The following COL4A2 variants were observed in gnomAD, a reference collection of about 807,000 sequenced individuals.
COL4A2 encodes collagen alpha-2(IV) chain.
A neutral mutation model predicts 200.2 loss-of-function variants in COL4A2; 99 were observed. The ratio of observed to expected loss-of-function variants is 0.49; its 90% CI spans 0.42 to 0.58. The LOEUF is 0.58. Ranked by LOEUF, COL4A2 falls within the 20% of genes least tolerant of loss-of-function variation. The pLI is 0.00. For missense variants in COL4A2, 1,950 were observed against 2,314.1 expected (o/e 0.84, Z 3.23); for synonymous variants, 897 against 900.6 (o/e 1.00, Z 0.07).
chr13:110,482,598 C>T lies in COL4A2; in HGVS notation c.2841C>T (p.Gly947=). Residue 947 remains glycine, a synonymous_variant, in exon 32 of 48, where the codon GGC becomes GGT. Transcript: ENST00000360467. ...GACCCGGGTTTCCAGGGAGCAAAGG[C>T]GAGGCTGGATTTTTCGGAATACCCG... ...KGRPGFPGSK[G]EAGFFGIPGL... The T allele has an allele frequency of 6.2e-7, 1 of 1,614,056 alleles. No individual in the cohort carries two copies. The highest frequency in any genetic ancestry group is 8.5e-7 in the Non-Finnish European group (1 of 1,179,996).
At chr13:110,507,635 G>A in intron 46 of COL4A2, 1 of 498,798 alleles carries the variant, frequency 2.0e-6, no homozygotes, top group South Asian at 2.5e-5. Context: ...ACCCCACTAA[G>A]GTAAGGCTCA....
chr13:110,401,544 C>G (rs1284815115), intron 4 of COL4A2, among the ~76,000 whole-genome samples: 1 of 152,166 alleles, frequency 6.6e-6, no homozygotes, highest in African/African-American at 2.4e-5. Flanking sequence ...TTTAGAAGAA[C>G]TTTCAGCTTC....
At chr13:110,435,952 C>G (rs1466043705) in intron 12 of COL4A2, among the ~76,000 whole-genome samples, 1 of 151,746 alleles carries the variant, frequency 6.6e-6, no homozygotes, top group Non-Finnish European at 1.5e-5. Flanking sequence ...GACATTCAGC[C>G]CTCATACCTA....
chr13:110,369,596 A>G (rs1010887034), intron 4 of COL4A2, among the ~76,000 whole-genome samples: 1 of 152,222 alleles, frequency 6.6e-6, no homozygotes, highest in Non-Finnish European at 1.5e-5. Flanking sequence ...CAGAATGCCC[A>G]TCGGTAGCAC....
intron 18 of COL4A2, among the ~76,000 whole-genome samples, chr13:110,448,439 A>G (rs959602873): frequency 6.6e-6 from 1 of 152,156 alleles, no homozygotes; most frequent in African/African-American, 2.4e-5. Flanking sequence ...CTACCGGACA[A>G]CATTCCCGAG....
In COL4A2 at chr13:110,436,293, A is replaced by G. The variant is rs1880869213; in HGVS notation, c.751A>G (p.Asn251Asp). 1 of 1,614,086 alleles carries G rather than the reference A, an allele frequency of 6.2e-7. No homozygotes were observed. Among genetic ancestry groups the G allele is most frequent in the Non-Finnish European group, 8.5e-7 (1 of 1,180,022 alleles). The change falls in exon 13 of 48, where the codon AAC (asparagine) becomes GAC (aspartate). Residue 251 changes from asparagine (N) to aspartate (D), a missense_variant. Around this residue, in one of 2 missense-constraint regions of COL4A2, gnomAD observed 565 missense variants for 593.5 expected, o/e 0.95. Coordinates refer to ENST00000360467, the MANE Select transcript of COL4A2 (RefSeq NM_001846.4). ...EKGDVGQPGP[N>D]GIPSDTLHPI... ...GGGTGACGTAGGGCAGCCGGGACCC[A>G]ACGGGATTCCATCAGACACCCTCCA...
At chr13:110,483,271 G>A (rs1594101110) in intron 32 of COL4A2, among the ~76,000 whole-genome samples, 1 of 152,346 alleles carries the variant, frequency 6.6e-6, no homozygotes, top group East Asian at 1.9e-4. Flanking sequence ...GTGTGTTGGT[G>A]AGGAGGTGGA....
intron 43 of COL4A2, 126 bp from the exon 44 acceptor site, chr13:110,503,721 T>C: frequency 3.3e-6 from 4 of 1,201,902 alleles, no homozygotes; most frequent in Non-Finnish European, 4.8e-6. Context: ...CTGGCTCATC[T>C]CTAGAAAGCA....
intron 4 of COL4A2, among the ~76,000 whole-genome samples, chr13:110,371,329 G>C (rs1877999541): frequency 6.6e-6 from 1 of 152,202 alleles, no homozygotes; most frequent in African/African-American, 2.4e-5. Flanking sequence ...GATGTGCGTT[G>C]TATGTGTGTG....
chr13:110,469,211 A>T lies in COL4A2; in HGVS notation c.2096-6A>T. The T allele has an allele frequency of 6.3e-7, 1 of 1,579,830 alleles. No individual in the cohort carries two copies. The highest frequency in any genetic ancestry group is 8.6e-7 in the Non-Finnish European group (1 of 1,161,858). ...GATGTGGTTTGTGGTTTATTTGGTT[A>T]TTTAGGTGCCAAAGGCCTCCGAGGA... is the stretch of plus-strand genomic sequence containing the variant. On this transcript the variant is annotated splice_polypyrimidine_tract_variant and splice_region_variant and intron_variant, in intron 27 of 47. Coordinates refer to ENST00000360467, the MANE Select transcript of COL4A2 (RefSeq NM_001846.4).
chr13:110,335,916 G>A (rs892938687), intron 3 of COL4A2, among the ~76,000 whole-genome samples: 8 of 152,192 alleles, frequency 5.3e-5, no homozygotes, highest in African/African-American at 1.9e-4. Context: ...ACAAGATCCT[G>A]GAAGTCTGCT....
chr13:110,508,110 T>C lies in COL4A2; in HGVS notation c.4770T>C (p.Cys1590=), dbSNP rs1369781740. ...AGATCAAGCCCTACATCAGCCGCTGTTCTGTGTGTGAGGCCCCGGCCATCG... is the reference window on the plus strand; with the variant it reads ...AGATCAAGCCCTACATCAGCCGCTGCTCTGTGTGTGAGGCCCCGGCCATCG... ...EDEIKPYISR[C]SVCEAPAIAI... The change falls in exon 47 of 48, where the codon TGT becomes TGC. Residue 1590 remains cysteine (C), a synonymous_variant. Coordinates refer to ENST00000360467, the MANE Select transcript of COL4A2 (RefSeq NM_001846.4). This position sits in a 1 kb window ranked among gnomAD's most constrained non-coding sequence, Gnocchi z 6.1. 2 of 1,614,142 alleles carry C rather than the reference T, an allele frequency of 1.2e-6. No individual in the cohort carries two copies. The highest frequency in any genetic ancestry group is 4.5e-5 in the East Asian group (2 of 44,900).
At chr13:110,321,140 C>T (rs1344921897) in intron 3 of COL4A2, among the ~76,000 whole-genome samples, 9 of 151,836 alleles carry the variant, frequency 5.9e-5, no homozygotes, top group South Asian at 2.1e-4. Context: ...ACTAATGTCA[C>T]ATCAGGTCTC....
chr13:110,338,891 CTTTGT>C (rs1157928105), intron 3 of COL4A2, among the ~76,000 whole-genome samples: 1 of 152,146 alleles, frequency 6.6e-6, no homozygotes, highest in East Asian at 1.9e-4. Context: ...TTGTTTGGGG[CTTTGT>C]TTTGTTTTCT....
chr13:110,425,696 A>G (rs1880444863), intron 6 of COL4A2, among the ~76,000 whole-genome samples: 1 of 152,188 alleles, frequency 6.6e-6, no homozygotes, highest in African/African-American at 2.4e-5. Flanking sequence ...CAAACCTCAC[A>G]CATATACACA....
At chr13:110,438,204 A>C (rs1880972962) in intron 14 of COL4A2, among the ~76,000 whole-genome samples, 167 bp downstream of exon 14, 1 of 152,258 alleles carries the variant, frequency 6.6e-6, no homozygotes, top group African/African-American at 2.4e-5. Flanking sequence ...CTGTATTTTA[A>C]GAAGTCAGTT....
At chr13:110,438,513 G>A (rs369916094) in intron 14 of COL4A2, 105 bp from the exon 15 acceptor site, 20 of 1,449,058 alleles carry the variant, frequency 1.4e-5, no homozygotes, top group African/African-American at 4.2e-5. Context: ...GGACACCATC[G>A]GGGCTGAGAA....
chr13:110,469,793 C>T (rs1224774958), intron 28 of COL4A2, among the ~76,000 whole-genome samples: 2 of 151,962 alleles, frequency 1.3e-5, no homozygotes, highest in African/African-American at 4.8e-5. Flanking sequence ...ACTTGCGTGT[C>T]AGCATGCTCT....
chr13:110,351,939 T>C (rs991962627), intron 3 of COL4A2, among the ~76,000 whole-genome samples: 1 of 152,112 alleles, frequency 6.6e-6, no homozygotes, highest in Non-Finnish European at 1.5e-5. Flanking sequence ...GGACTAAGGA[T>C]GTTCAACTGT....
Sources: allele counts gnomAD v4.1 joint callset (sites outside exome capture counted in the v4.1 genomes callset), GRCh38; gene constraint gnomAD v4.1.1; regional missense constraint gnomAD v4.1.1; non-coding constraint Gnocchi (gnomAD v3.1); transcripts MANE v1.5; gene names NCBI Gene and HGNC (gene_info 2026-07-23, HGNC 2026-07-21).